FAM149A: variants seen among roughly 807,000 people sequenced by gnomAD.
The protein encoded by FAM149A is family with sequence similarity 149 member A.
Under a neutral mutation model 78.2 loss-of-function variants are expected in FAM149A, and 71 were observed. That is an observed-to-expected ratio of 0.91 (90% CI 0.75 to 1.11). The LOEUF (loss-of-function observed/expected upper bound fraction) is 1.11. Ranked by LOEUF, FAM149A falls within the 50% of genes least tolerant of loss-of-function variation. The pLI, the probability that FAM149A is intolerant of heterozygous loss-of-function variation, is 0.00. For missense variants in FAM149A, 1,036 were observed against 971.0 expected (o/e 1.07, Z -0.89); for synonymous variants, 446 against 410.5 (o/e 1.09, Z -1.04).
At chr4:186,159,128 G>C (rs967545489) in intron 8 of FAM149A, among the ~76,000 whole-genome samples, 5 of 152,020 alleles carry the variant, frequency 3.3e-5, no homozygotes, top group Non-Finnish European at 7.4e-5. Flanking sequence ...AGTATACATT[G>C]GGCTTACTCA....
intron 1 of FAM149A, among the ~76,000 whole-genome samples, chr4:186,117,230 A>C (rs1185219877): frequency 6.6e-6 from 1 of 152,214 alleles, no homozygotes; most frequent in Non-Finnish European, 1.5e-5. Flanking sequence ...TTTTGTACAA[A>C]ATACAGTTTA....
chr4:186,140,292 T>C lies in FAM149A; in HGVS notation c.567-8881T>C, dbSNP rs1190380727. 4.6e-5 allele frequency among the ~76,000 whole-genome samples: 7 copies of C among 152,310 alleles called. No homozygotes were observed. The East Asian group carries it at 1.3e-3, about 29-fold the overall frequency. On this transcript the variant is annotated intron_variant, in intron 1 of 13. Coordinates refer to ENST00000389354, the MANE Select transcript of FAM149A (RefSeq NM_001367768.3). ...CAGAGGGTGATCACATAATCACATA[T>C]ACCACTTTTTATTTTTATTTTTTGA...
At chr4:186,142,405 G>A (rs2099326210) in intron 1 of FAM149A, among the ~76,000 whole-genome samples, 1 of 152,230 alleles carries the variant, frequency 6.6e-6, no homozygotes, top group South Asian at 2.1e-4. Flanking sequence ...TCTTGAAAGA[G>A]CTGAGTGTAT....
intron 13 of FAM149A, chr4:186,169,998 C>G: frequency 1.1e-6 from 1 of 923,102 alleles, no homozygotes; most frequent in Non-Finnish European, 1.3e-6. Context: ...TTTTTTAATG[C>G]TTCAAAGTTC....
chr4:186,136,994 C>CTCTCTCTCTCTCTCTT (rs2099323504), intron 1 of FAM149A, among the ~76,000 whole-genome samples: 1 of 136,462 alleles, frequency 7.3e-6, no homozygotes, highest in African/African-American at 2.7e-5. Context: ...CTCTCTCTCT[C>CTCTCTCTCTCTCTCTT]TCTCTCTCTC....
chr4:186,117,841 G>A (rs2099314373), intron 1 of FAM149A: 9 of 924,660 alleles, frequency 9.7e-6, no homozygotes, highest in Non-Finnish European at 9.0e-6. Context: ...AATGAACACA[G>A]TGAAAAGAAA....
intron 1 of FAM149A, chr4:186,132,274 C>T (rs1257852465): frequency 1.1e-6 from 1 of 927,688 alleles, no homozygotes; most frequent in Non-Finnish European, 1.3e-6. Flanking sequence ...TCAAAAATCT[C>T]AGTGAAATCA....
intron 1 of FAM149A, among the ~76,000 whole-genome samples, chr4:186,138,666 C>T (rs1389906143): frequency 6.6e-6 from 1 of 152,156 alleles, no homozygotes; most frequent in East Asian, 1.9e-4. Flanking sequence ...TTGTAGAAGG[C>T]CGCTCCGCTG....
intron 7 of FAM149A, 105 bp from the exon 8 acceptor site, chr4:186,157,460 C>A: frequency 8.5e-7 from 1 of 1,173,540 alleles, no homozygotes; most frequent in Non-Finnish European, 1.2e-6. Context: ...GTAGCATGGG[C>A]TCGTGGTAGC....
intron 1 of FAM149A, among the ~76,000 whole-genome samples, chr4:186,106,731 A>T (rs2099308904): frequency 6.6e-6 from 1 of 152,190 alleles, no homozygotes; most frequent in Non-Finnish European, 1.5e-5. Flanking sequence ...GCGGATCATG[A>T]GGTCAGGAGA....
chr4:186,140,215 G>A (rs1301077969), intron 1 of FAM149A, among the ~76,000 whole-genome samples: 3 of 152,178 alleles, frequency 2.0e-5, no homozygotes, highest in African/African-American at 2.4e-5. Context: ...TTTTAGAGGA[G>A]TTGCTTATAA....
At position 186,153,553 on chromosome 4, in the gene FAM149A, C is replaced by G. The variant is rs1412940180; in HGVS notation, c.933-92C>G. 2.4e-5 allele frequency: 37 copies of G among 1,525,136 alleles called. 1 individual carries two copies. The Admixed American group carries it at 6.5e-4, about 27-fold the overall frequency. 94.5% of individuals were successfully genotyped at this position (1,525,136 alleles called of 1,614,324 possible). A position where few individuals can be genotyped will look rare whatever the true frequency, so the allele number is the denominator to read the frequency against. Reference sequence around the variant, plus strand: ...CCATACACATCTTATCATACACATGCCTTCAAAATCATTGTCTCCTACTTT... The same window carrying G: ...CCATACACATCTTATCATACACATGGCTTCAAAATCATTGTCTCCTACTTT... On this transcript the variant is annotated intron_variant, in intron 4 of 13. Coordinates refer to ENST00000389354, the MANE Select transcript of FAM149A (RefSeq NM_001367768.3).
intron 1 of FAM149A, chr4:186,132,131 A>T (rs969078377): frequency 5.1e-6 from 5 of 985,340 alleles, no homozygotes; most frequent in Non-Finnish European, 6.0e-6. Flanking sequence ...TAATCATTTG[A>T]CAAATTACCT....
intron 11 of FAM149A, among the ~76,000 whole-genome samples, chr4:186,166,641 ACT>A (rs971866135): frequency 8.9e-6 from 1 of 112,662 alleles, no homozygotes; most frequent in African/African-American, 3.8e-5. Flanking sequence ...ACAGAGCGAG[ACT>A]CTGTTTAAAA....
intron 1 of FAM149A, chr4:186,147,088 T>C (rs1554069609): frequency 4.6e-6 from 3 of 654,946 alleles, no homozygotes. Context: ...GTGATGATGA[T>C]AATAGCAGTG....
At chr4:186,137,161 A>G (rs2099323731) in intron 1 of FAM149A, among the ~76,000 whole-genome samples, 1 of 152,192 alleles carries the variant, frequency 6.6e-6, no homozygotes, top group South Asian at 2.1e-4. Context: ...ATTTGAGATG[A>G]ATCTTTGAAA....
intron 13 of FAM149A, 93 bp downstream of exon 13, chr4:186,167,355 C>G: frequency 3.2e-6 from 4 of 1,234,980 alleles, no homozygotes; most frequent in Non-Finnish European, 4.8e-6. Context: ...CTTGATAAGC[C>G]TATTTTGCTG....
chr4:186,153,795 A>G (rs747063835), intron 5 of FAM149A, 25 bp downstream of exon 5: 1 of 1,576,104 alleles, frequency 6.3e-7, no homozygotes. Flanking sequence ...GTGACTCTCA[A>G]AAAGTATTGT....
rs1201493964 is a variant in FAM149A at position 186,136,954 on chromosome 4, CTCTCTCTCTTTCTCTCTCTCTT to C, written c.567-12209_567-12188del. Among the ~76,000 whole-genome samples, 158 of 111,438 alleles carry C rather than the reference CTCTCTCTCTTTCTCTCTCTCTT, an allele frequency of 1.4e-3. 4 individuals carry two copies. The highest frequency in any genetic ancestry group is 2.4e-3 in the South Asian group (8 of 3,388). 73.1% of individuals were successfully genotyped at this position (111,438 alleles called of 152,430 possible). A position where few individuals can be genotyped will look rare whatever the true frequency, so the allele number is the denominator to read the frequency against. On this transcript the variant is annotated intron_variant, in intron 1 of 13. Coordinates refer to ENST00000389354, the MANE Select transcript of FAM149A (RefSeq NM_001367768.3). ...CTGATTGATCTCTCTCTCTCTCTCT[CTCTCTCTCTTTCTCTCTCTCTT>C]TCTCTCTCTCTCTCTCTCTCTCTCT...
Sources: allele counts gnomAD v4.1 joint callset (sites outside exome capture counted in the v4.1 genomes callset), GRCh38; gene constraint gnomAD v4.1.1; transcripts MANE v1.5; gene names NCBI Gene and HGNC (gene_info 2026-07-23, HGNC 2026-07-21).